The following TP53BP1 variants were observed in gnomAD, a reference collection of about 807,000 sequenced individuals.
The protein encoded by TP53BP1 is tumor protein p53 binding protein 1.
Under a neutral mutation model 200.8 loss-of-function variants are expected in TP53BP1, and 61 were observed. The ratio of observed to expected loss-of-function variants is 0.30; its 90% confidence interval spans 0.25 to 0.38. The LOEUF (loss-of-function observed/expected upper bound fraction) is 0.38, where lower values mean the gene tolerates loss of function less well. Among genes scored for constraint, TP53BP1 ranks in the 10% least tolerant of loss-of-function variants. TP53BP1 has a pLI of 1.00. For synonymous variants in TP53BP1, 822 were observed against 844.3 expected, an observed-to-expected ratio of 0.97 and a Z score of 0.46; for missense variants, 2,144 against 2,371.9, an observed-to-expected ratio of 0.90 and a Z score of 2.00.
chr15:43,414,139 A>G, intron 23 of TP53BP1: 3 of 470,552 alleles, frequency 6.4e-6, no homozygotes, highest in Non-Finnish European at 1.3e-5. Flanking sequence ...CAGGAGCAAG[A>G]AAACAGTCTC....
intron 15 of TP53BP1, among the ~76,000 whole-genome samples, chr15:43,439,674 T>C (rs1407360305): frequency 6.6e-6 from 1 of 152,244 alleles, no homozygotes; most frequent in African/African-American, 2.4e-5. Flanking sequence ...ATTTAGATTC[T>C]TATATAGAAA....
chr15:43,442,621 C>T (rs1595560799), intron 14 of TP53BP1, among the ~76,000 whole-genome samples: 1 of 151,910 alleles, frequency 6.6e-6, no homozygotes, highest in East Asian at 1.9e-4. Flanking sequence ...CCTCACCCTC[C>T]TGAGTAGCTG....
chr15:43,405,052 T>G lies in TP53BP1; in HGVS notation c.*2331A>C. 1.2e-6 allele frequency: 1 copy of G among 836,674 alleles called. No individual in the cohort carries two copies. Among genetic ancestry groups the G allele is most frequent in the Non-Finnish European group, 1.9e-6 (1 of 536,330 alleles). The allele number at this position is 836,674 out of a possible 1,614,324, so 51.8% of individuals were successfully genotyped here. On this transcript the variant is annotated 3_prime_UTR_variant, in exon 28 of 28. Coordinates refer to ENST00000382044, the MANE Select transcript of TP53BP1 (RefSeq NM_001141980.3). ...CTCTAAAATGTCTGCAAGCAGATTT[T>G]TTTCTAAGCTATTGTAGCAGAAGAG...
At chr15:43,475,274 C>CAAGTAA (rs1296530643) in intron 9 of TP53BP1, among the ~76,000 whole-genome samples, 2 of 152,204 alleles carry the variant, frequency 1.3e-5, no homozygotes, top group Non-Finnish European at 2.9e-5. Flanking sequence ...AGAAGAATTG[C>CAAGTAA]AAGTAAAACA....
At chr15:43,479,764 T>G (rs1456939534) in intron 6 of TP53BP1, 95 bp downstream of exon 6, 1 of 1,449,664 alleles carries the variant, frequency 6.9e-7, no homozygotes, top group Non-Finnish European at 9.4e-7. Context: ...ATTATATTAA[T>G]TTGGATAGCT....
At chr15:43,443,180 C>G (rs961398443) in intron 14 of TP53BP1, among the ~76,000 whole-genome samples, 3 of 150,668 alleles carry the variant, frequency 2.0e-5, no homozygotes, top group African/African-American at 7.3e-5. Flanking sequence ...TCATCTCTGC[C>G]CATATAAGAA....
At position 43,479,430 on chromosome 15, in the gene TP53BP1, T is replaced by C. The variant is rs910307278; in HGVS notation, c.755A>G (p.His252Arg). 2.5e-6 allele frequency: 4 copies of C among 1,611,298 alleles called. No individual in the cohort carries two copies. The highest frequency in any genetic ancestry group is 8.5e-7 in the Non-Finnish European group (1 of 1,178,948). Residue 252 changes from histidine (H) to arginine (R), a missense_variant, in exon 7 of 28, where the codon CAT (histidine) becomes CGT (arginine). Physicochemically the swap from His to Arg is conservative, Grantham distance 29. Transcript: ENST00000382044. ...TGGTGGATTTTGCTCTTTTACAACA[T>C]GTACATCCTTACTGGGCTGTGCTGT... ...PVTAQPSKDVHVVKEQNPPPA... is the reference protein window; with the variant it reads ...PVTAQPSKDVRVVKEQNPPPA...
At chr15:43,464,881 A>G (rs759891417) in intron 11 of TP53BP1, among the ~76,000 whole-genome samples, 3 of 152,108 alleles carry the variant, frequency 2.0e-5, no homozygotes, top group Non-Finnish European at 2.9e-5. Context: ...GCACTCCAGC[A>G]TGGGCAACAA....
chr15:43,410,753 C>T (rs1314595849), intron 24 of TP53BP1, among the ~76,000 whole-genome samples: 2 of 152,164 alleles, frequency 1.3e-5, no homozygotes, highest in Admixed American at 6.5e-5. Context: ...TCCCTTATGA[C>T]GGCTCCCCCT....
rs149792132 is a variant in TP53BP1 at position 43,431,459 on chromosome 15, A to C, written c.3675+735T>G. 5.8e-3 allele frequency among the ~76,000 whole-genome samples: 880 copies of C among 152,076 alleles called. 11 individuals are homozygous for C. Among genetic ancestry groups the C allele is most frequent in the African/African-American group, 0.02 (813 of 41,486 alleles). On this transcript the variant is annotated intron_variant, in intron 17 of 27. Coordinates refer to ENST00000382044, the MANE Select transcript of TP53BP1 (RefSeq NM_001141980.3). ...AAGGTCTCACTATGTTGCCCAGTCT[A>C]GTCTCAAACTCCTGGGCTCAAGTAA...
rs1432808681 is a variant in TP53BP1 at position 43,456,847 on chromosome 15, A to G, written c.1761T>C (p.Asn587=). 6.2e-7 allele frequency: 1 copy of G among 1,613,840 alleles called. No individual in the cohort carries two copies. Among genetic ancestry groups the G allele is most frequent in the Non-Finnish European group, 8.5e-7 (1 of 1,180,044 alleles). The change falls in exon 12 of 28, where the codon AAT becomes AAC. Residue 587 remains asparagine, a synonymous_variant. Coordinates refer to ENST00000382044, the MANE Select transcript of TP53BP1 (RefSeq NM_001141980.3). ...TATCATCTCCCTTTGTTTTGTCATC[A>G]TTCTGACTCAGTTGTACTTCACCAT... ...AQDGEVQLSQ[N]DDKTKGDDTD...
intron 25 of TP53BP1, 169 bp downstream of exon 25, chr15:43,409,478 T>C (rs2045039651): frequency 3.8e-6 from 2 of 528,172 alleles, no homozygotes; most frequent in Admixed American, 3.5e-5. Context: ...CTCTTCCCTA[T>C]ACACAACAAA....
intron 16 of TP53BP1, among the ~76,000 whole-genome samples, chr15:43,435,472 T>G (rs1278804038): frequency 1.3e-5 from 2 of 151,946 alleles, no homozygotes; most frequent in Non-Finnish European, 2.9e-5. Context: ...TAAAACGCTT[T>G]AATAAAAAAG....
At chr15:43,467,788 C>CTT (rs11384031) in intron 11 of TP53BP1, among the ~76,000 whole-genome samples, 42 of 143,224 alleles carry the variant, frequency 2.9e-4, no homozygotes, top group African/African-American at 5.6e-4. Context: ...TTCTTAAACT[C>CTT]TTTTTTTTTT....
chr15:43,479,278 G>A (rs981930615), intron 7 of TP53BP1, 119 bp downstream of exon 7: 2 of 1,148,374 alleles, frequency 1.7e-6, no homozygotes, highest in African/African-American at 1.6e-5. Flanking sequence ...AGTATGCCCA[G>A]TACAAGGGGA....
At position 43,446,455 on chromosome 15, in the gene TP53BP1, C is replaced by T. The variant is rs1275012499; in HGVS notation, c.2972G>A (p.Cys991Tyr). 1 of 1,614,168 alleles carries T rather than the reference C, an allele frequency of 6.2e-7. No homozygotes were observed. The highest frequency in any genetic ancestry group is 8.5e-7 in the Non-Finnish European group (1 of 1,180,026). ...GAAPDVDDKL[C>Y]LRMKLVSPET... Reference sequence around the variant, plus strand: ...AGGACTAACCAGTTTCATTCTTAGACATAATTTATCATCCACGTCTGGGGC... The same window carrying T: ...AGGACTAACCAGTTTCATTCTTAGATATAATTTATCATCCACGTCTGGGGC... The change falls in exon 14 of 28, where the codon TGT (cysteine) becomes TAT (tyrosine). Residue 991 changes from cysteine to tyrosine, a missense_variant. Cys to Tyr is a radical substitution (Grantham distance 194). This residue lies in a region of TP53BP1 where 1,700 missense variants were observed against 1,710.3 expected (regional missense o/e 0.99). Coordinates refer to ENST00000382044, the MANE Select transcript of TP53BP1 (RefSeq NM_001141980.3).
At chr15:43,506,145 G>A (rs892368328) in intron 1 of TP53BP1, among the ~76,000 whole-genome samples, 1 of 152,104 alleles carries the variant, frequency 6.6e-6, no homozygotes, top group Non-Finnish European at 1.5e-5. Context: ...ATCTTATGGA[G>A]ACTTTAAGCA....
intron 10 of TP53BP1, 44 bp downstream of exon 10, chr15:43,474,629 T>G (rs770210249): frequency 1.1e-5 from 15 of 1,381,676 alleles, no homozygotes; most frequent in Non-Finnish European, 1.3e-5. Context: ...AAAGTGTTGC[T>G]CCTCTTCTAA....
intron 22 of TP53BP1, among the ~76,000 whole-genome samples, 155 bp downstream of exon 22, chr15:43,416,070 A>G (rs1199797296): frequency 6.6e-6 from 1 of 152,224 alleles, no homozygotes; most frequent in Non-Finnish European, 1.5e-5. Flanking sequence ...CAGGTAAGGC[A>G]GCAGCTCTAG....
Sources: allele counts gnomAD v4.1 joint callset (sites outside exome capture counted in the v4.1 genomes callset), GRCh38; gene constraint gnomAD v4.1.1; regional missense constraint gnomAD v4.1.1; transcripts MANE v1.5; gene names NCBI Gene and HGNC (gene_info 2026-07-23, HGNC 2026-07-21).